DARS2: variants seen among roughly 807,000 people sequenced by gnomAD.
DARS2 encodes aspartate--tRNA ligase, mitochondrial.
A neutral mutation model predicts 83.0 loss-of-function variants in DARS2; 63 were observed. That is an observed-to-expected ratio of 0.76 (90% CI 0.62 to 0.94). DARS2 has a LOEUF of 0.94. DARS2 is among the 40% of genes least tolerant of loss of function. DARS2 has a pLI of 0.00. For synonymous variants in DARS2, 250 were observed against 269.3 expected (o/e 0.93, Z 0.70); for missense variants, 675 against 774.4 (o/e 0.87, Z 1.52).
At chr1:173,840,841 T>G in intron 10 of DARS2, 25 bp from the exon 11 acceptor site, 3 of 1,263,728 alleles carry the variant, frequency 2.4e-6, no homozygotes, top group Non-Finnish European at 2.3e-6. Flanking sequence ...TATTTAGTTA[T>G]CTCTTTTTGT....
intron 7 of DARS2, among the ~76,000 whole-genome samples, chr1:173,834,767 TG>T (rs1288010254): frequency 6.8e-5 from 6 of 88,816 alleles, no homozygotes; most frequent in Non-Finnish European, 1.1e-4. Flanking sequence ...TGGTTTGTTT[TG>T]GGTTTTTTTT....
At chr1:173,844,777 GATTTTTTTTTTT>G (rs1653362301) in intron 11 of DARS2, among the ~76,000 whole-genome samples, 1 of 107,950 alleles carries the variant, frequency 9.3e-6, no homozygotes, top group African/African-American at 3.6e-5. Flanking sequence ...GCAGAAATTG[GATTTTTTTTTTT>G]TTTTTTTTTT....
chr1:173,838,008 C>T (rs1487450800), intron 8 of DARS2, among the ~76,000 whole-genome samples, 182 bp from the exon 9 acceptor site: 1 of 152,160 alleles, frequency 6.6e-6, no homozygotes, highest in East Asian at 1.9e-4. Flanking sequence ...CGCCTGACCT[C>T]ATGATCTGCC....
rs121918210 is a variant in DARS2, at chr1:173,833,419, G to A, written c.536G>A (p.Arg179His). ...TTGCAGTATCGCTACTTAGACTTGC[G>A]TAGTTTCCAAATGCAGTATAACCTG... Reference protein sequence around the residue: ...LRLQYRYLDLRSFQMQYNLRL... With the variant: ...LRLQYRYLDLHSFQMQYNLRL... Residue 179 changes from arginine (R) to histidine (H), a missense_variant, in exon 6 of 17, where the codon CGT becomes CAT. Physicochemically the swap from Arg to His is conservative, Grantham distance 29. Transcript: ENST00000649689. 59 of 1,613,588 alleles carry A rather than the reference G, an allele frequency of 3.7e-5. No homozygotes were observed. Among genetic ancestry groups the A allele is most frequent in the Non-Finnish European group, 4.8e-5 (57 of 1,179,760 alleles).
rs773706813 is a variant in DARS2, at chr1:173,826,717, CAT to C, written c.159_160del (p.Cys54TrpfsTer44). The stretch of plus-strand genomic sequence containing the variant: ...AGTAGCTTTGTTGTCCGGACCAACA[CAT>C]GTGGAGAGTTGCGTTCGTCTCACTT... On this transcript the variant is annotated frameshift_variant, in exon 2 of 17. Transcript: ENST00000649689. LOFTEE classifies it high-confidence loss of function. 5.6e-6 allele frequency: 9 copies of C among 1,607,638 alleles called. No individual in the cohort carries two copies. The highest frequency in any genetic ancestry group is 1.1e-5 in the South Asian group (1 of 90,962).
In DARS2 at chr1:173,828,938, C is replaced by T. The variant is rs147126244; in HGVS notation, c.294+539C>T. Among the ~76,000 whole-genome samples the T allele has an allele frequency of 1.6e-4, 24 of 151,710 alleles. 1 individual carries two copies. The East Asian group carries it at 2.9e-3, about 18-fold the overall frequency. On this transcript the variant is annotated intron_variant, in intron 3 of 16. Transcript: ENST00000649689. ...ATATTCATTTCAGGATTCTTTTTAA[C>T]GGAAAAAAATTGGGAACCACCCAGA...
At chr1:173,854,582 A>G (rs1424430420) in intron 15 of DARS2, among the ~76,000 whole-genome samples, 2 of 152,342 alleles carry the variant, frequency 1.3e-5, no homozygotes, top group East Asian at 1.9e-4. Context: ...CCAAAGTGAC[A>G]GTACAAAAGT....
At chr1:173,845,185 T>C in intron 11 of DARS2, 44 bp from the exon 12 acceptor site, 2 of 1,131,548 alleles carry the variant, frequency 1.8e-6, no homozygotes, top group South Asian at 2.5e-5. Context: ...TTTATGAAGC[T>C]AAGTGTCATA....
intron 11 of DARS2, 151 bp from the exon 12 acceptor site, chr1:173,845,078 A>G: frequency 1.7e-6 from 1 of 593,174 alleles, no homozygotes; most frequent in Non-Finnish European, 3.1e-6. Context: ...TACAGGCATG[A>G]GCCACCGCGC....
intron 12 of DARS2, among the ~76,000 whole-genome samples, chr1:173,847,974 T>A (rs1490375082): frequency 6.7e-6 from 1 of 148,374 alleles, no homozygotes; most frequent in African/African-American, 2.5e-5. Context: ...TGCCTCAGCC[T>A]CCTGACTAGC....
Position 173,840,982 on chromosome 1 carries a change from A to C in DARS2, c.1128+9A>C, listed in dbSNP as rs766635904. The C allele has an allele frequency of 4.1e-6, 6 of 1,469,124 alleles. No individual in the cohort carries two copies. The highest frequency in any genetic ancestry group is 3.8e-6 in the Non-Finnish European group (4 of 1,047,784). 91.0% of individuals were successfully genotyped at this position (1,469,124 alleles called of 1,614,324 possible). A position where few individuals can be genotyped will look rare whatever the true frequency, so the allele number is the denominator to read the frequency against. The stretch of plus-strand genomic sequence containing the variant: ...GTATCCCTGAAGGAGCAGTAAGTGA[A>C]GTACAGTTCTATGTTTCTCTAGAAT... On this transcript the variant is annotated intron_variant, in intron 11 of 16. Transcript: ENST00000649689.
At chr1:173,830,444 G>A (rs138259115) in intron 3 of DARS2, among the ~76,000 whole-genome samples, 1 of 152,236 alleles carries the variant, frequency 6.6e-6, no homozygotes, top group East Asian at 1.9e-4. Context: ...TTTTTTTAAA[G>A]CTCTTAACTA....
chr1:173,833,578 C>T, intron 6 of DARS2, 79 bp downstream of exon 6: 1 of 1,572,392 alleles, frequency 6.4e-7, no homozygotes, highest in Non-Finnish European at 8.7e-7. Context: ...TGTATCCTTT[C>T]CTTAGCATGA....
At chr1:173,828,748 G>C (rs1571977477) in intron 3 of DARS2, among the ~76,000 whole-genome samples, 1 of 152,288 alleles carries the variant, frequency 6.6e-6, no homozygotes, top group East Asian at 1.9e-4. Context: ...TGGGAAAGCA[G>C]GTGCTCAATA....
rs1208003315 is a variant in DARS2, at chr1:173,857,688, G to A, written c.1921G>A (p.Ala641Thr). 2 of 1,614,120 alleles carry A rather than the reference G, an allele frequency of 1.2e-6. No homozygotes were observed. Among genetic ancestry groups the A allele is most frequent in the Admixed American group, 3.3e-5 (2 of 60,014 alleles). The change falls in exon 17 of 17, where the codon GCA becomes ACA. Residue 641 changes from alanine to threonine, a missense_variant. Physicochemically the swap from Ala to Thr is moderately conservative, Grantham distance 58. Transcript: ENST00000649689. ...IRVSKPTDSKAERAH is the reference protein window; with the variant it reads ...IRVSKPTDSKTERAH The stretch of plus-strand genomic sequence containing the variant: ...AGTCTCCAAGCCAACAGACTCCAAA[G>A]CAGAAAGAGCTCATTGAATCATGCA...
intron 12 of DARS2, among the ~76,000 whole-genome samples, chr1:173,848,257 C>T (rs1653517599): frequency 6.6e-6 from 1 of 152,154 alleles, no homozygotes; most frequent in African/African-American, 2.4e-5. Flanking sequence ...CCTAAGAAAG[C>T]ATGTGAGAGA....
intron 1 of DARS2, among the ~76,000 whole-genome samples, chr1:173,826,160 C>T (rs1652545103): frequency 6.6e-6 from 1 of 151,128 alleles, no homozygotes; most frequent in South Asian, 2.1e-4. Flanking sequence ...GGAGGCGGAG[C>T]TTGCAGTGAG....
Position 173,835,928 on chromosome 1 carries a change from G to T in DARS2, c.664-1012G>T, listed in dbSNP as rs556539960. Among the ~76,000 whole-genome samples, 351 of 152,018 alleles carry T rather than the reference G, an allele frequency of 2.3e-3. 2 individuals are homozygous for T. The highest frequency in any genetic ancestry group is 3.4e-3 in the Non-Finnish European group (232 of 67,986). The stretch of plus-strand genomic sequence containing the variant: ...AAAAATTAGCTGGGCATGGTGGCAG[G>T]CACCTGTAGTCCCAGCTACTCAGGA... On this transcript the variant is annotated intron_variant, in intron 7 of 16. Transcript: ENST00000649689.
chr1:173,827,350 T>C, intron 2 of DARS2, among the ~76,000 whole-genome samples: 1 of 152,142 alleles, frequency 6.6e-6, no homozygotes, highest in East Asian at 1.9e-4. Context: ...AAAGAATATG[T>C]CCCAGCCTGG....
Sources: gnomAD v4.1 joint callset for allele counts (sites outside exome capture counted in the v4.1 genomes callset) on GRCh38, gnomAD v4.1.1 for gene constraint, MANE v1.5 for transcripts, NCBI Gene and HGNC (gene_info 2026-07-23, HGNC 2026-07-21) for gene names.